SERPINB10: variants seen among roughly 807,000 people sequenced by gnomAD.
The protein encoded by SERPINB10 is serpin family B member 10.
In SERPINB10, 35 loss-of-function variants were observed where a neutral mutation model predicts 39.1. The ratio of observed to expected loss-of-function variants is 0.90; its 90% CI spans 0.68 to 1.19. The LOEUF is 1.19. Ranked by LOEUF, SERPINB10 falls within the 50% of genes most tolerant of loss-of-function variation. SERPINB10 has a pLI of 0.00. For synonymous variants in SERPINB10, 190 were observed against 158.1 expected, an observed-to-expected ratio of 1.20 and a Z score of -1.52; for missense variants, 546 against 460.5, an observed-to-expected ratio of 1.19 and a Z score of -1.70.
chr18:63,909,503 C>T (rs1447208994), intron 1 of SERPINB10, among the ~76,000 whole-genome samples: 1 of 151,720 alleles, frequency 6.6e-6, no homozygotes, highest in Non-Finnish European at 1.5e-5. Context: ...ATCTGATATA[C>T]AAATAATGAT....
chr18:63,919,761 A>G (rs752412593), intron 4 of SERPINB10, 27 bp from the exon 5 acceptor site: 1 of 1,464,320 alleles, frequency 6.8e-7, no homozygotes, highest in Admixed American at 1.9e-5. Context: ...AACTCTACAA[A>G]AGGGGATTTT....
Position 63,917,457 on chromosome 18 carries a change from T to C in SERPINB10, c.170T>C (p.Val57Ala), listed in dbSNP as rs1436124033. The C allele has an allele frequency of 6.4e-7, 1 of 1,561,358 alleles. No individual in the cohort carries two copies. Among genetic ancestry groups the C allele is most frequent in the South Asian group, 1.2e-5 (1 of 84,136 alleles). ...TTTGTATTTTTATTGAAATTACAGG[T>C]GCTTCAATTTAACAGAGACCAGGGA... ...KGTTAAQMAQ[V>A]LQFNRDQGVK... The change falls in exon 3 of 8, where the codon GTG (valine) becomes GCG (alanine). Residue 57 changes from valine (V) to alanine (A), a missense_variant and splice_region_variant. Physicochemically the swap from Val to Ala is moderately conservative, Grantham distance 64. Transcript: ENST00000238508.
intron 5 of SERPINB10, among the ~76,000 whole-genome samples, chr18:63,928,019 G>T (rs560888938): frequency 6.6e-6 from 1 of 151,968 alleles, no homozygotes; most frequent in African/African-American, 2.4e-5. Context: ...GGTTGATGCT[G>T]TTTCCACGGG....
At chr18:63,916,239 A>AAT (rs59292522) in intron 2 of SERPINB10, among the ~76,000 whole-genome samples, 2 of 151,614 alleles carry the variant, frequency 1.3e-5, no homozygotes, top group Admixed American at 6.6e-5. Context: ...TGCGTATGTA[A>AAT]ATATATATAT....
intron 3 of SERPINB10, 73 bp downstream of exon 3, chr18:63,917,594 AC>A: frequency 2.4e-6 from 2 of 841,170 alleles, no homozygotes; most frequent in Non-Finnish European, 3.6e-6. Context: ...TTTAGTGATA[AC>A]TGAAGCAACT....
chr18:63,923,519 G>T (rs1449501149), intron 5 of SERPINB10, among the ~76,000 whole-genome samples: 1 of 151,768 alleles, frequency 6.6e-6, no homozygotes, highest in East Asian at 1.9e-4. Context: ...CAACAAACCT[G>T]CACCCTGAAC....
intron 1 of SERPINB10, among the ~76,000 whole-genome samples, chr18:63,909,109 T>A (rs1163158644): frequency 6.6e-6 from 1 of 152,020 alleles, no homozygotes; most frequent in Non-Finnish European, 1.5e-5. Flanking sequence ...GATGATGAAA[T>A]GTCTATGATG....
intron 5 of SERPINB10, among the ~76,000 whole-genome samples, chr18:63,928,758 G>T: frequency 6.6e-6 from 1 of 151,494 alleles, no homozygotes; most frequent in South Asian, 2.1e-4. Context: ...AGAGGTCCTT[G>T]ACATCCCTTG....
chr18:63,934,630 T>C lies in SERPINB10; in HGVS notation c.790-208T>C, dbSNP rs192037763. Among the ~76,000 whole-genome samples, 286 of 152,338 alleles carry C rather than the reference T, an allele frequency of 1.9e-3. 1 individual carries two copies. The highest frequency in any genetic ancestry group is 3.2e-3 in the Non-Finnish European group (221 of 68,036). On this transcript the variant is annotated intron_variant, in intron 7 of 7. Coordinates refer to ENST00000238508, the MANE Select transcript of SERPINB10 (RefSeq NM_005024.3). ...TTTGAATTAAACTCTAATTCTCCTA[T>C]ATCCGGATAGCAATTAATCTGCAGA...
At chr18:63,917,399 G>A in intron 2 of SERPINB10, 57 bp from the exon 3 acceptor site, 1 of 1,014,914 alleles carries the variant, frequency 9.9e-7, no homozygotes, top group Non-Finnish European at 1.4e-6. Flanking sequence ...GATGATGTAT[G>A]ATTTATATAA....
chr18:63,920,617 G>A (rs1188297566), intron 5 of SERPINB10, among the ~76,000 whole-genome samples: 1 of 151,992 alleles, frequency 6.6e-6, no homozygotes, highest in Admixed American at 6.6e-5. Flanking sequence ...TTAAGGGGAT[G>A]CCCTGGAAGT....
chr18:63,923,239 C>T (rs531906418), intron 5 of SERPINB10, among the ~76,000 whole-genome samples: 3 of 152,068 alleles, frequency 2.0e-5, no homozygotes, highest in East Asian at 3.9e-4. Flanking sequence ...AGCTGTAATC[C>T]TTCTGTATTT....
At chr18:63,920,225 C>A (rs1379285107) in intron 5 of SERPINB10, among the ~76,000 whole-genome samples, 1 of 151,954 alleles carries the variant, frequency 6.6e-6, no homozygotes, top group East Asian at 1.9e-4. Flanking sequence ...CTGCCACATG[C>A]ATGGTTTTTA....
intron 5 of SERPINB10, among the ~76,000 whole-genome samples, chr18:63,929,712 CA>C (rs74169990): frequency 3.9e-3 from 375 of 97,290 alleles, no homozygotes; most frequent in East Asian, 6.8e-3. Flanking sequence ...AGCTAAAGTG[CA>C]AAAAAAAAAA....
At chr18:63,921,950 A>C (rs191399346) in intron 5 of SERPINB10, among the ~76,000 whole-genome samples, 1 of 151,758 alleles carries the variant, frequency 6.6e-6, no homozygotes, top group South Asian at 2.1e-4. Context: ...TTTGCCCCCA[A>C]ATAACTTCTC....
chr18:63,926,335 T>C (rs1320375083), intron 5 of SERPINB10, among the ~76,000 whole-genome samples: 1 of 151,998 alleles, frequency 6.6e-6, no homozygotes, highest in Non-Finnish European at 1.5e-5. Flanking sequence ...TGTGCCTATG[T>C]CCAAATTCCC....
intron 6 of SERPINB10, among the ~76,000 whole-genome samples, chr18:63,930,461 T>C (rs967609458): frequency 3.3e-5 from 5 of 152,098 alleles, no homozygotes; most frequent in African/African-American, 1.2e-4. Flanking sequence ...AGAAATATAG[T>C]GTGGCCAAGT....
At chr18:63,915,760 A>T (rs1270970588) in intron 2 of SERPINB10, 82 bp downstream of exon 2, 1 of 1,206,826 alleles carries the variant, frequency 8.3e-7, no homozygotes, top group Non-Finnish European at 1.2e-6. Flanking sequence ...TTCTCTTGAC[A>T]ACTCAATAAT....
In SERPINB10 at chr18:63,919,884, T is replaced by G. The variant is rs772441170; in HGVS notation, c.469T>G (p.Trp157Gly). 6.2e-7 allele frequency: 1 copy of G among 1,609,004 alleles called. No homozygotes were observed. The highest frequency in any genetic ancestry group is 8.5e-7 in the Non-Finnish European group (1 of 1,177,004). ...TCAAATCAGAAAGGACATCAACTCT[T>G]GGGTTGAAAGACAGACCGAGGGTAA... The part of the protein sequence containing the change: ...SDQIRKDINS[W>G]VERQTEGKIQ... Residue 157 changes from tryptophan (W) to glycine (G), a missense_variant, in exon 5 of 8, where the codon TGG (tryptophan) becomes GGG (glycine). Transcript: ENST00000238508.
Sources: allele counts gnomAD v4.1 joint callset (sites outside exome capture counted in the v4.1 genomes callset), GRCh38; gene constraint gnomAD v4.1.1; transcripts MANE v1.5; gene names NCBI Gene and HGNC (gene_info 2026-07-23, HGNC 2026-07-21).